PARD3B: variants seen among roughly 807,000 people sequenced by gnomAD.
The protein encoded by PARD3B is partitioning defective 3 homolog B.
PARD3B carries 103 observed loss-of-function variants against 130.2 expected under a neutral mutation model. The observed-to-expected ratio is 0.79, with a 90% CI of 0.67 to 0.93. The LOEUF is 0.93. Among genes scored for constraint, PARD3B ranks in the 40% least tolerant of loss-of-function variants. The pLI, the probability that PARD3B is intolerant of heterozygous loss-of-function variation, is 0.00. For missense variants in PARD3B, 1,609 were observed against 1,499.2 expected (o/e 1.07, Z -1.21); for synonymous variants, 583 against 553.2 (o/e 1.05, Z -0.76).
chr2:204,745,471 C>T (rs11684184), intron 2 of PARD3B, among the ~76,000 whole-genome samples: 93,732 of 151,028 alleles, frequency 0.62, 31,698 homozygotes, highest in Non-Finnish European at 0.74. Flanking sequence ...TGTGCGATCT[C>T]GGCTCACTGC....
chr2:205,173,081 G>T (rs2035268312), intron 12 of PARD3B, among the ~76,000 whole-genome samples: 1 of 151,846 alleles, frequency 6.6e-6, no homozygotes, highest in African/African-American at 2.4e-5. Flanking sequence ...AAAAAGCTAA[G>T]AAGAAAAAGT....
At chr2:205,186,885 A>C (rs1197660567) in intron 14 of PARD3B, among the ~76,000 whole-genome samples, 1 of 152,172 alleles carries the variant, frequency 6.6e-6, no homozygotes, top group Non-Finnish European at 1.5e-5. Flanking sequence ...TGAAAATGAC[A>C]ATTTGGTGGC....
At chr2:204,671,459 G>A (rs1308841506) in intron 1 of PARD3B, among the ~76,000 whole-genome samples, 1 of 151,978 alleles carries the variant, frequency 6.6e-6, no homozygotes, top group African/African-American at 2.4e-5. Context: ...ATGATACCTG[G>A]GGTCTCCAGA....
At position 204,906,065 on chromosome 2, in the gene PARD3B, T is replaced by C. The variant is rs539772721; in HGVS notation, c.223-59087T>C. Among the ~76,000 whole-genome samples, 10 of 152,298 alleles carry C rather than the reference T, an allele frequency of 6.6e-5. No homozygotes were observed. In the East Asian group the frequency reaches 1.7e-3, roughly 26 times the overall value. ...ATTACTTTATTTTGGGCTAGAGTAA[T>C]TTTTGCTAAATAATGGCTTATTAAA... On this transcript the variant is annotated intron_variant, in intron 2 of 22. Transcript: ENST00000406610. This position sits in a 1 kb window ranked among gnomAD's most constrained non-coding sequence, Gnocchi z 4.3.
intron 3 of PARD3B, among the ~76,000 whole-genome samples, chr2:205,007,531 G>T (rs1203145007): frequency 1.3e-5 from 2 of 152,092 alleles, no homozygotes; most frequent in African/African-American, 2.4e-5. Context: ...TGTTCCACTG[G>T]TCTATGTGCC....
At chr2:205,286,216 C>A (rs1438939475) in intron 16 of PARD3B, among the ~76,000 whole-genome samples, 3 of 152,008 alleles carry the variant, frequency 2.0e-5, no homozygotes, top group Non-Finnish European at 2.9e-5. Flanking sequence ...TCCCTGTTAA[C>A]TTAGACAAGT....
At position 205,078,488 on chromosome 2, in the gene PARD3B, T is replaced by G. The variant is rs1331850065; in HGVS notation, c.505-25938T>G. 2.0e-5 allele frequency among the ~76,000 whole-genome samples: 3 copies of G among 152,262 alleles called. No individual in the cohort carries two copies. In the East Asian group the frequency reaches 5.8e-4, roughly 29 times the overall value. On this transcript the variant is annotated intron_variant, in intron 4 of 22. Coordinates refer to ENST00000406610, the MANE Select transcript of PARD3B (RefSeq NM_001302769.2). The surrounding 1 kb of genome is among the most constrained non-coding windows in gnomAD (Gnocchi z 4.0). ...GCTACTTAATCCATTAGGGTTCACA[T>G]AAGTATTCTATCAAGATAGAAATTT...
intron 21 of PARD3B, among the ~76,000 whole-genome samples, chr2:205,512,569 C>G (rs115917245): frequency 1.2e-3 from 180 of 152,232 alleles, no homozygotes; most frequent in African/African-American, 4.1e-3. Context: ...ATTTTCCATT[C>G]CTTCGTTGGT....
chr2:205,554,326 T>C (rs2106500305), intron 22 of PARD3B, among the ~76,000 whole-genome samples: 1 of 152,306 alleles, frequency 6.6e-6, no homozygotes, highest in South Asian at 2.1e-4. Context: ...GTATGTTGAC[T>C]GTACCTCTGT....
At chr2:205,255,935 T>C (rs1178591664) in intron 16 of PARD3B, among the ~76,000 whole-genome samples, 1 of 152,088 alleles carries the variant, frequency 6.6e-6, no homozygotes, top group East Asian at 1.9e-4. Flanking sequence ...TCTTTTTCTC[T>C]CTCTCCGGCT....
At chr2:205,449,712 C>T (rs1271325093) in intron 20 of PARD3B, among the ~76,000 whole-genome samples, 2 of 152,146 alleles carry the variant, frequency 1.3e-5, no homozygotes, top group African/African-American at 2.4e-5. Context: ...TGGCAGACAG[C>T]GCACAGCTCC....
At chr2:204,656,671 AT>A (rs1317143803) in intron 1 of PARD3B, among the ~76,000 whole-genome samples, 2 of 152,144 alleles carry the variant, frequency 1.3e-5, no homozygotes, top group African/African-American at 2.4e-5. Context: ...CCAGTTTTAC[AT>A]TTTTGAAAGG....
chr2:205,110,070 T>C (rs1159778861), intron 5 of PARD3B, among the ~76,000 whole-genome samples: 1 of 152,186 alleles, frequency 6.6e-6, no homozygotes, highest in African/African-American at 2.4e-5. Context: ...GGATACACTT[T>C]CTCTGTAATT....
intron 3 of PARD3B, among the ~76,000 whole-genome samples, chr2:204,992,101 T>G (rs1376872396): frequency 6.6e-6 from 1 of 151,872 alleles, no homozygotes; most frequent in Non-Finnish European, 1.5e-5. Context: ...ATTTGTCAAT[T>G]TTGGCTTTTG....
At position 205,050,839 on chromosome 2, in the gene PARD3B, G is replaced by A. The variant is rs141240873; in HGVS notation, c.504+3149G>A. 5.8e-3 allele frequency among the ~76,000 whole-genome samples: 885 copies of A among 152,128 alleles called. 10 individuals carry two copies. Among genetic ancestry groups the A allele is most frequent in the African/African-American group, 0.02 (849 of 41,510 alleles). ...GTATAGCATGCATGAGATAGTTTGA[G>A]TCCTGGGGAAGATCTTTGAGCCTCA... On this transcript the variant is annotated intron_variant, in intron 4 of 22. Transcript: ENST00000406610.
At chr2:204,668,196 A>G (rs2036114143) in intron 1 of PARD3B, among the ~76,000 whole-genome samples, 1 of 152,190 alleles carries the variant, frequency 6.6e-6, no homozygotes, top group Non-Finnish European at 1.5e-5. Context: ...GCATAGCTCT[A>G]AAGGTCAATG....
chr2:205,418,908 A>C (rs980847261), intron 19 of PARD3B, among the ~76,000 whole-genome samples: 4 of 152,216 alleles, frequency 2.6e-5, no homozygotes, highest in Admixed American at 6.5e-5. Context: ...AATTTATATT[A>C]CTGAATATTC....
At chr2:204,937,213 T>C (rs1008464566) in intron 2 of PARD3B, among the ~76,000 whole-genome samples, 5 of 152,234 alleles carry the variant, frequency 3.3e-5, no homozygotes, top group African/African-American at 9.7e-5. Context: ...TACTTTAACT[T>C]TTGCAGTTTA....
chr2:204,898,336 A>G (rs2046721360), intron 2 of PARD3B, among the ~76,000 whole-genome samples: 2 of 152,046 alleles, frequency 1.3e-5, no homozygotes, highest in Admixed American at 1.3e-4. Context: ...TTTAAAATGT[A>G]TAATAAATTA....
Sources: gnomAD v4.1 joint callset for allele counts (sites outside exome capture counted in the v4.1 genomes callset) on GRCh38, gnomAD v4.1.1 for gene constraint, Gnocchi (gnomAD v3.1) non-coding constraint, MANE v1.5 for transcripts, NCBI Gene and HGNC (gene_info 2026-07-23, HGNC 2026-07-21) for gene names.